Variants in SLC35F1 observed in about 807,000 individuals in gnomAD.
SLC35F1 encodes the protein solute carrier family 35 member F1.
SLC35F1 carries 14 observed loss-of-function variants against 48.7 expected under a neutral mutation model. The ratio of observed to expected loss-of-function variants is 0.29; its 90% CI spans 0.19 to 0.45. The LOEUF (loss-of-function observed/expected upper bound fraction) is 0.45, where lower values mean the gene tolerates loss of function less well. SLC35F1 is among the 20% of genes least tolerant of loss of function. The pLI is 1.00. For missense variants in SLC35F1, 404 were observed against 500.0 expected (o/e 0.81, Z 1.83); for synonymous variants, 190 against 202.2 (o/e 0.94, Z 0.51).
intron 3 of SLC35F1, among the ~76,000 whole-genome samples, chr6:118,253,933 A>G (rs1050740324): frequency 6.6e-6 from 1 of 151,882 alleles, no homozygotes; most frequent in Non-Finnish European, 1.5e-5. Flanking sequence ...GTGGGCATCG[A>G]GAATAAGACC....
chr6:118,151,590 C>T (rs1171743568), intron 1 of SLC35F1, among the ~76,000 whole-genome samples: 3 of 152,146 alleles, frequency 2.0e-5, no homozygotes, highest in Non-Finnish European at 2.9e-5. Context: ...TCATGGCTCA[C>T]TTGCAGCCTT....
intron 1 of SLC35F1, among the ~76,000 whole-genome samples, chr6:118,041,370 A>G (rs1159074879): frequency 1.3e-5 from 2 of 151,880 alleles, no homozygotes; most frequent in African/African-American, 2.4e-5. Flanking sequence ...ACATACTCCA[A>G]CCCTCCTATA....
intron 2 of SLC35F1, among the ~76,000 whole-genome samples, chr6:118,194,732 G>A (rs954640253): frequency 6.6e-6 from 1 of 152,064 alleles, no homozygotes; most frequent in Non-Finnish European, 1.5e-5. Flanking sequence ...TCCTTTAACC[G>A]GTTTGCACAG....
intron 1 of SLC35F1, among the ~76,000 whole-genome samples, chr6:118,096,548 A>G (rs1439030128): frequency 6.6e-6 from 1 of 152,172 alleles, no homozygotes; most frequent in Non-Finnish European, 1.5e-5. Context: ...TCATCCAAGC[A>G]TTGTTGTAAA....
At chr6:118,144,146 AG>A (rs1478103449) in intron 1 of SLC35F1, among the ~76,000 whole-genome samples, 3 of 152,194 alleles carry the variant, frequency 2.0e-5, no homozygotes, top group Non-Finnish European at 4.4e-5. Context: ...GCGTATGTTC[AG>A]TGCAGCACTA....
chr6:117,961,010 C>T (rs2114835137), intron 1 of SLC35F1, among the ~76,000 whole-genome samples: 1 of 152,170 alleles, frequency 6.6e-6, no homozygotes, highest in East Asian at 1.9e-4. Flanking sequence ...CATAGTATTA[C>T]AATATCTCCT....
intron 2 of SLC35F1, among the ~76,000 whole-genome samples, chr6:118,219,451 T>G (rs188996999): frequency 6.6e-6 from 1 of 152,128 alleles, no homozygotes; most frequent in East Asian, 1.9e-4. Context: ...AAAACCACAA[T>G]GAGATACCAT....
intron 2 of SLC35F1, among the ~76,000 whole-genome samples, chr6:118,165,221 G>T (rs945479417): frequency 6.6e-6 from 1 of 152,134 alleles, no homozygotes; most frequent in Non-Finnish European, 1.5e-5. Context: ...AAACCTTAAG[G>T]CAGAATTACT....
At chr6:117,996,405 C>T (rs116068193) in intron 1 of SLC35F1, among the ~76,000 whole-genome samples, 1,958 of 152,246 alleles carry the variant, frequency 0.013, 55 homozygotes, top group African/African-American at 0.044. Flanking sequence ...TCTGCATTTC[C>T]GTCTGAGCTT....
chr6:117,924,453 T>C (rs1775994466), intron 1 of SLC35F1, among the ~76,000 whole-genome samples: 5 of 99,394 alleles, frequency 5.0e-5, no homozygotes, highest in South Asian at 2.5e-4. Context: ...TACACATACC[T>C]ATATGTGTGT....
intron 2 of SLC35F1, among the ~76,000 whole-genome samples, chr6:118,200,457 C>T (rs1400054489): frequency 2.0e-5 from 3 of 152,174 alleles, no homozygotes; most frequent in Non-Finnish European, 4.4e-5. Context: ...CTGTCCCCTG[C>T]CAGTGTCCTT....
chr6:117,924,165 A>G (rs1775987894), intron 1 of SLC35F1, among the ~76,000 whole-genome samples: 1 of 125,646 alleles, frequency 8.0e-6, no homozygotes, highest in Non-Finnish European at 1.7e-5. Flanking sequence ...ATAGGTACAC[A>G]TGCATATGTA....
intron 1 of SLC35F1, among the ~76,000 whole-genome samples, chr6:117,966,679 C>A (rs1477052875): frequency 6.6e-6 from 1 of 152,200 alleles, no homozygotes; most frequent in Non-Finnish European, 1.5e-5. Context: ...TGAGGCCTCT[C>A]TCCTTGGCTT....
chr6:118,179,377 G>C (rs1422865541), intron 2 of SLC35F1, among the ~76,000 whole-genome samples: 1 of 152,172 alleles, frequency 6.6e-6, no homozygotes, highest in Non-Finnish European at 1.5e-5. Flanking sequence ...CAGGAGCTCT[G>C]ATGTCTGAGG....
intron 1 of SLC35F1, among the ~76,000 whole-genome samples, chr6:117,911,556 C>T (rs553332472): frequency 9.0e-4 from 136 of 151,880 alleles, no homozygotes; most frequent in African/African-American, 2.7e-3. Flanking sequence ...CCACCTCAGC[C>T]TCCCAAGTAG....
chr6:117,959,886 G>A (rs1776476286), intron 1 of SLC35F1, among the ~76,000 whole-genome samples: 1 of 152,104 alleles, frequency 6.6e-6, no homozygotes, highest in South Asian at 2.1e-4. Context: ...TGAATTATAT[G>A]TTATTTTCAT....
chr6:118,214,634 G>A (rs1009314353), intron 2 of SLC35F1, among the ~76,000 whole-genome samples: 8 of 152,156 alleles, frequency 5.3e-5, no homozygotes, highest in Admixed American at 1.3e-4. Flanking sequence ...TCAAGCACAC[G>A]TAGAAACTTG....
chr6:118,034,477 G>C (rs946204748), intron 1 of SLC35F1, among the ~76,000 whole-genome samples: 2 of 152,130 alleles, frequency 1.3e-5, no homozygotes, highest in African/African-American at 4.8e-5. Context: ...AGAATCGCTT[G>C]AACCTGGGAG....
intron 1 of SLC35F1, among the ~76,000 whole-genome samples, chr6:117,982,650 C>T (rs1409412825): frequency 6.6e-6 from 1 of 152,148 alleles, no homozygotes; most frequent in Non-Finnish European, 1.5e-5. Flanking sequence ...ATAGACTCCA[C>T]TCTGCTTGGA....
Sources: gnomAD v4.1 joint callset for allele counts (sites outside exome capture counted in the v4.1 genomes callset) on GRCh38, gnomAD v4.1.1 for gene constraint, MANE v1.5 for transcripts, NCBI Gene and HGNC (gene_info 2026-07-23, HGNC 2026-07-21) for gene names.